The following LINGO2 variants were observed in gnomAD, a reference collection of about 807,000 sequenced individuals.
LINGO2 encodes leucine rich repeat and Ig domain containing 2.
In LINGO2, 14 loss-of-function variants were observed where a neutral mutation model predicts 30.6. The ratio of observed to expected loss-of-function variants is 0.46; its 90% CI spans 0.30 to 0.72. The LOEUF is 0.72. Ranked by LOEUF, LINGO2 falls within the 30% of genes least tolerant of loss-of-function variation. The pLI is 0.07. For synonymous variants in LINGO2, 317 were observed against 288.5 expected (o/e 1.10, Z -1.00); for missense variants, 729 against 751.7 (o/e 0.97, Z 0.35).
At chr9:28,232,784 C>T (rs1295233114) in intron 4 of LINGO2, among the ~76,000 whole-genome samples, 1 of 151,666 alleles carries the variant, frequency 6.6e-6, no homozygotes. Context: ...CCATGCCCTG[C>T]CAACCACCAT....
intron 2 of LINGO2, among the ~76,000 whole-genome samples, chr9:28,406,819 A>C (rs1235203088): frequency 1.3e-5 from 2 of 152,200 alleles, no homozygotes; most frequent in Admixed American, 1.3e-4. Flanking sequence ...TGAAAAAGCT[A>C]TTTTAATTCA....
intron 4 of LINGO2, among the ~76,000 whole-genome samples, chr9:28,207,724 G>T (rs913686468): frequency 6.6e-6 from 1 of 152,086 alleles, no homozygotes; most frequent in Admixed American, 6.6e-5. Flanking sequence ...GAGTTCAAAA[G>T]AAAAGTCCAG....
At chr9:28,897,099 C>G in the LINGO2 span, among the ~76,000 whole-genome samples, 34 of 152,266 alleles carry the variant, frequency 2.2e-4, no homozygotes, top group African/African-American at 8.2e-4. Flanking sequence ...ATTCATCTTT[C>G]TATCACAAAG....
intron 4 of LINGO2, among the ~76,000 whole-genome samples, chr9:28,177,182 G>C (rs554170931): frequency 6.6e-6 from 1 of 152,088 alleles, no homozygotes; most frequent in African/African-American, 2.4e-5. Flanking sequence ...CTACTATGCT[G>C]TACATTTGGA....
At chr9:28,369,850 A>C (rs944917286) in intron 3 of LINGO2, among the ~76,000 whole-genome samples, 11 of 152,176 alleles carry the variant, frequency 7.2e-5, no homozygotes, top group African/African-American at 2.2e-4. Context: ...TCTTTGAAAG[A>C]GTAAAGTGAA....
At chr9:28,780,329 G>T in the LINGO2 span, among the ~76,000 whole-genome samples, 1 of 136,270 alleles carries the variant, frequency 7.3e-6, no homozygotes, top group Non-Finnish European at 1.7e-5. Flanking sequence ...TAACGTAGAG[G>T]GTCTTTTGTG....
At chr9:28,422,563 TAC>T in intron 2 of LINGO2, among the ~76,000 whole-genome samples, 1 of 152,178 alleles carries the variant, frequency 6.6e-6, no homozygotes, top group Non-Finnish European at 1.5e-5. Context: ...AAGGTTTGTA[TAC>T]AGTTAGTAGG....
chr9:28,277,105 G>T (rs1823141911), intron 4 of LINGO2, among the ~76,000 whole-genome samples: 1 of 152,114 alleles, frequency 6.6e-6, no homozygotes, highest in Non-Finnish European at 1.5e-5. Context: ...TACATTGAAG[G>T]TTAGTGGTAA....
the LINGO2 span, among the ~76,000 whole-genome samples, chr9:29,132,895 G>GT: frequency 6.7e-6 from 1 of 149,912 alleles, no homozygotes; most frequent in African/African-American, 2.5e-5. Flanking sequence ...TTTTTTTACT[G>GT]TTTTTTTAAG....
chr9:28,193,460 A>G (rs1819893966), intron 4 of LINGO2, among the ~76,000 whole-genome samples: 2 of 152,174 alleles, frequency 1.3e-5, no homozygotes, highest in African/African-American at 2.4e-5. Flanking sequence ...TCACATGCCA[A>G]AATTGGACAG....
chr9:28,402,251 C>A (rs1822302008), intron 2 of LINGO2, among the ~76,000 whole-genome samples: 1 of 152,066 alleles, frequency 6.6e-6, no homozygotes, highest in African/African-American at 2.4e-5. Context: ...AAACAAAGAA[C>A]AAATTGTATT....
chr9:28,353,973 A>C (rs576080412), intron 3 of LINGO2, among the ~76,000 whole-genome samples: 97 of 152,272 alleles, frequency 6.4e-4, no homozygotes, highest in African/African-American at 2.2e-3. Flanking sequence ...TGGACACAGG[A>C]AGGGGAATAT....
chr9:28,159,978 T>G (rs1056615034), intron 4 of LINGO2, among the ~76,000 whole-genome samples: 4 of 152,160 alleles, frequency 2.6e-5, no homozygotes, highest in African/African-American at 9.7e-5. Context: ...TCATTATACA[T>G]GAGTTTCTTA....
chr9:28,671,239 C>A (rs1037272826), upstream of LINGO2, among the ~76,000 whole-genome samples: 1 of 151,974 alleles, frequency 6.6e-6, no homozygotes, highest in Non-Finnish European at 1.5e-5. Flanking sequence ...ACATCGCTGA[C>A]CCTTCCTATA....
chr9:28,800,573 G>GT, the LINGO2 span, among the ~76,000 whole-genome samples: 2 of 151,978 alleles, frequency 1.3e-5, no homozygotes, highest in Non-Finnish European at 2.9e-5. Context: ...AGCAGTAGCC[G>GT]TATCATTGGC....
At chr9:28,552,704 T>C (rs989799545) in intron 1 of LINGO2, among the ~76,000 whole-genome samples, 2 of 151,750 alleles carry the variant, frequency 1.3e-5, no homozygotes, top group Non-Finnish European at 2.9e-5. Flanking sequence ...GGGATTTCTA[T>C]GTTTTAAGAC....
the LINGO2 span, among the ~76,000 whole-genome samples, chr9:28,993,271 A>G: frequency 2.6e-5 from 4 of 152,148 alleles, no homozygotes; most frequent in Non-Finnish European, 5.9e-5. Context: ...TCTAGAAGAA[A>G]TGGATAAATT....
chr9:28,142,374 G>C (rs969796054), intron 4 of LINGO2, among the ~76,000 whole-genome samples: 3 of 152,114 alleles, frequency 2.0e-5, no homozygotes, highest in African/African-American at 7.2e-5. Context: ...GTTACTGCTA[G>C]ATCTGGATTT....
intron 4 of LINGO2, among the ~76,000 whole-genome samples, chr9:28,093,443 A>G (rs1826155651): frequency 6.6e-6 from 1 of 152,126 alleles, no homozygotes; most frequent in Non-Finnish European, 1.5e-5. Context: ...ACGTTAGTTT[A>G]GGGTCACTGC....
Sources: allele counts gnomAD v4.1 joint callset (sites outside exome capture counted in the v4.1 genomes callset), GRCh38; gene constraint gnomAD v4.1.1; transcripts MANE v1.5; gene names NCBI Gene and HGNC (gene_info 2026-07-23, HGNC 2026-07-21).